Variants in KDM4B observed in about 807,000 individuals in gnomAD.
KDM4B encodes the protein lysine demethylase 4B, also known as lysine-specific demethylase 4B.
In KDM4B, 32 loss-of-function variants were observed where a neutral mutation model predicts 125.2. The observed-to-expected ratio is 0.26, with a 90% CI of 0.19 to 0.34. The LOEUF (loss-of-function observed/expected upper bound fraction) is 0.34, where lower values mean the gene tolerates loss of function less well. Among genes scored for constraint, KDM4B ranks in the 10% least tolerant of loss-of-function variants. KDM4B has a pLI of 1.00. For missense variants in KDM4B, 1,190 were observed against 1,577.7 expected (o/e 0.75, Z 4.16); for synonymous variants, 721 against 677.9 (o/e 1.06, Z -0.99).
chr19:5,032,561 C>T (rs1386883512), intron 2 of KDM4B, among the ~76,000 whole-genome samples: 2 of 152,230 alleles, frequency 1.3e-5, no homozygotes, highest in Non-Finnish European at 1.5e-5. Flanking sequence ...GTCCCTGATA[C>T]GTAAACCTTT....
chr19:5,107,523 C>A (rs1458354373), intron 9 of KDM4B, among the ~76,000 whole-genome samples: 1 of 152,174 alleles, frequency 6.6e-6, no homozygotes, highest in Non-Finnish European at 1.5e-5. Context: ...TGAAAATAGA[C>A]AGCGAGGTCT....
At chr19:5,131,847 CTG>C (rs755595532) in intron 12 of KDM4B, 38 bp from the exon 13 acceptor site, 2 of 1,612,342 alleles carry the variant, frequency 1.2e-6, no homozygotes, top group South Asian at 2.2e-5. Flanking sequence ...ACCCAGGGGT[CTG>C]TAGCGGGGCC....
At chr19:5,131,575 G>A (rs2039549821) in intron 12 of KDM4B, 30 bp downstream of exon 12, 1 of 758,024 alleles carries the variant, frequency 1.3e-6, no homozygotes, top group Non-Finnish European at 1.9e-6. Flanking sequence ...GCAGGGAGGA[G>A]GGGGGCAGGT....
chr19:4,994,505 G>A (rs1031868244), intron 1 of KDM4B, among the ~76,000 whole-genome samples: 3 of 144,214 alleles, frequency 2.1e-5, no homozygotes, highest in East Asian at 4.1e-4. Flanking sequence ...GGAGATTGCA[G>A]TGAGCCAAGA....
chr19:5,123,840 G>A (rs1172755096), intron 11 of KDM4B, among the ~76,000 whole-genome samples: 1 of 152,180 alleles, frequency 6.6e-6, no homozygotes, highest in African/African-American at 2.4e-5. Flanking sequence ...TTCTGGAGAC[G>A]GTGAGCCCCA....
chr19:4,992,146 T>C (rs972124062), intron 1 of KDM4B, among the ~76,000 whole-genome samples: 10 of 152,168 alleles, frequency 6.6e-5, no homozygotes, highest in African/African-American at 2.2e-4. Context: ...CTGTATCTGA[T>C]TGCAGTGGCG....
At chr19:5,012,014 A>G (rs2035743437) in intron 1 of KDM4B, among the ~76,000 whole-genome samples, 2 of 152,234 alleles carry the variant, frequency 1.3e-5, no homozygotes, top group Non-Finnish European at 2.9e-5. Flanking sequence ...CTGTTACGTA[A>G]TCGGTAGCTC....
chr19:4,982,154 G>A (rs1056936920), intron 1 of KDM4B, among the ~76,000 whole-genome samples: 4 of 152,124 alleles, frequency 2.6e-5, no homozygotes, highest in African/African-American at 9.7e-5. Flanking sequence ...TTAGCCTGGT[G>A]TGTTGGTGCA....
At chr19:5,123,752 C>G (rs565987413) in intron 11 of KDM4B, among the ~76,000 whole-genome samples, 2 of 152,196 alleles carry the variant, frequency 1.3e-5, no homozygotes, top group Non-Finnish European at 2.9e-5. Context: ...GAGCATGGGT[C>G]GTGCTGGTAG....
intron 7 of KDM4B, among the ~76,000 whole-genome samples, chr19:5,071,284 G>A (rs887599899): frequency 2.6e-5 from 4 of 152,210 alleles, no homozygotes; most frequent in African/African-American, 4.8e-5. Context: ...TGTGAAATTC[G>A]CACAGAATGC....
intron 10 of KDM4B, chr19:5,111,429 G>T (rs183356963): frequency 2.6e-6 from 2 of 765,290 alleles, no homozygotes; most frequent in Non-Finnish European, 4.8e-6. Context: ...TCTGGTGTCC[G>T]CCTGGAGGAG....
intron 9 of KDM4B, among the ~76,000 whole-genome samples, chr19:5,110,378 G>A (rs754045195): frequency 1.3e-5 from 2 of 152,024 alleles, no homozygotes; most frequent in African/African-American, 4.8e-5. Flanking sequence ...AGGCTGAGGC[G>A]GGAGAATCGC....
rs549133204 is a variant in KDM4B at position 5,063,659 on chromosome 19, G to C, written c.627-7351G>C. 2.2e-3 allele frequency among the ~76,000 whole-genome samples: 340 copies of C among 152,330 alleles called. 1 individual carries two copies. The highest frequency in any genetic ancestry group is 3.5e-3 in the Non-Finnish European group (239 of 68,030). ...GCACTGAGCCCAGCAACGCAGGCAG[G>C]GACCGTGGCTCTCTGGTCCTTGTGT... On this transcript the variant is annotated intron_variant, in intron 6 of 22. Transcript: ENST00000159111.
rs1217343121 is a variant in KDM4B, at chr19:4,971,147, T to G, written c.-109+1917T>G. Among the ~76,000 whole-genome samples the G allele has an allele frequency of 6.6e-6, 1 of 152,174 alleles. No individual in the cohort carries two copies. The highest frequency in any genetic ancestry group is 6.5e-5 in the Admixed American group (1 of 15,280). The stretch of plus-strand genomic sequence containing the variant: ...CTTAGTAACAATCCGTTTGCTCGCA[T>G]TTTCTAACCCTTTCCTCTTTGGGGA... On this transcript the variant is annotated intron_variant, in intron 1 of 22. Transcript: ENST00000159111. The surrounding 1 kb of genome is among the most constrained non-coding windows in gnomAD (Gnocchi z 4.1).
chr19:5,103,350 C>G (rs2038973787), intron 9 of KDM4B, among the ~76,000 whole-genome samples: 1 of 152,246 alleles, frequency 6.6e-6, no homozygotes, highest in African/African-American at 2.4e-5. Flanking sequence ...AAAAAGAAAT[C>G]TATTTATCTC....
rs544924990 is a variant in KDM4B, at chr19:5,069,605, CTGTT to C, written c.627-1383_627-1380del. ...TTAGACGTGAGCCACTGCACCCGGC[CTGTT>C]TGTTTGTTTGTTTGTTTGTTTTGAG... On this transcript the variant is annotated intron_variant, in intron 6 of 22. Transcript: ENST00000159111. Among the ~76,000 whole-genome samples, 90 of 147,254 alleles carry C rather than the reference CTGTT, an allele frequency of 6.1e-4. 2 individuals are homozygous for C. In the East Asian group the frequency reaches 0.011, roughly 18 times the overall value.
chr19:5,137,755 A>C, intron 17 of KDM4B, 79 bp downstream of exon 17: 1 of 1,349,478 alleles, frequency 7.4e-7, no homozygotes, highest in South Asian at 1.4e-5. Flanking sequence ...GTGTGACCCC[A>C]GTGCCTAGGG....
intron 6 of KDM4B, among the ~76,000 whole-genome samples, chr19:5,052,944 C>G (rs955796992): frequency 1.9e-4 from 29 of 152,246 alleles, no homozygotes; most frequent in Non-Finnish European, 3.8e-4. Context: ...GGCATGGCCC[C>G]CCTCAGTGAC....
At chr19:5,044,650 C>T (rs1300478707) in intron 5 of KDM4B, among the ~76,000 whole-genome samples, 1 of 152,098 alleles carries the variant, frequency 6.6e-6, no homozygotes, top group East Asian at 1.9e-4. Flanking sequence ...TGGGTTCAAG[C>T]GATTCTCCTG....
Sources: gnomAD v4.1 joint callset for allele counts (sites outside exome capture counted in the v4.1 genomes callset) on GRCh38, gnomAD v4.1.1 for gene constraint, Gnocchi (gnomAD v3.1) non-coding constraint, MANE v1.5 for transcripts, NCBI Gene and HGNC (gene_info 2026-07-23, HGNC 2026-07-21) for gene names.